Variants in FAM178B observed in about 807,000 individuals in gnomAD.
The protein encoded by FAM178B is protein FAM178B.
A neutral mutation model predicts 91.7 loss-of-function variants in FAM178B; 82 were observed. The observed-to-expected ratio is 0.89, with a 90% CI of 0.75 to 1.07. FAM178B has a LOEUF of 1.07. Among genes scored for constraint, FAM178B ranks in the 50% least tolerant of loss-of-function variants. FAM178B has a pLI of 0.00. For synonymous variants in FAM178B, 368 were observed against 359.4 expected, an observed-to-expected ratio of 1.02 and a Z score of -0.27; for missense variants, 769 against 846.7, an observed-to-expected ratio of 0.91 and a Z score of 1.14.
At position 96,933,766 on chromosome 2, in the gene FAM178B, C is replaced by T. The variant is rs188511540; in HGVS notation, c.1079-4446G>A. Reference sequence around the variant, plus strand: ...TGCCTGAGTTCTAGTTCCCTGAATCCGAGATACCACAGGAGGAGGGGAGGT... The same window carrying T: ...TGCCTGAGTTCTAGTTCCCTGAATCTGAGATACCACAGGAGGAGGGGAGGT... On this transcript the variant is annotated intron_variant, in intron 8 of 16. Transcript: ENST00000490605. 4.0e-3 allele frequency among the ~76,000 whole-genome samples: 607 copies of T among 152,226 alleles called. 4 individuals carry two copies. The highest frequency in any genetic ancestry group is 8.0e-3 in the Admixed American group (123 of 15,288).
At chr2:96,969,112 A>T (rs959779765) in intron 4 of FAM178B, among the ~76,000 whole-genome samples, 4 of 152,234 alleles carry the variant, frequency 2.6e-5, no homozygotes, top group African/African-American at 9.6e-5. Context: ...CAGTGTGGGT[A>T]GTATGAGATC....
In FAM178B at chr2:96,918,189, GA is replaced by G. The variant is rs549846168; in HGVS notation, c.1562+2975del. Among the ~76,000 whole-genome samples the G allele has an allele frequency of 7.8e-4, 109 of 140,090 alleles. 1 individual carries two copies. The highest frequency in any genetic ancestry group is 2.7e-3 in the African/African-American group (101 of 37,834). The allele number at this position is 140,090 out of a possible 152,430, so 91.9% of individuals were successfully genotyped here. ...AGGACTGAAAAAGTAAAAAAAAAAA[GA>G]AAAAAAATTCCAGTTCACTGAAAGG... is the stretch of plus-strand genomic sequence containing the variant. On this transcript the variant is annotated intron_variant, in intron 12 of 16. Coordinates refer to ENST00000490605, the MANE Select transcript of FAM178B (RefSeq NM_001122646.3).
intron 16 of FAM178B, among the ~76,000 whole-genome samples, chr2:96,877,005 G>A (rs963451581): frequency 3.0e-4 from 45 of 152,180 alleles, no homozygotes; most frequent in African/African-American, 6.5e-4. Flanking sequence ...GCAAGCCACC[G>A]AGCCTCTCAG....
In FAM178B at chr2:96,894,021, T is replaced by C. The variant is rs1368828557; in HGVS notation, c.1681A>G (p.Met561Val). Residue 561 changes from methionine (M) to valine (V), a missense_variant, in exon 14 of 17, where the codon ATG becomes GTG. Coordinates refer to ENST00000490605, the MANE Select transcript of FAM178B (RefSeq NM_001122646.3). ...LSSLSRLLGLMRPSSLRQYLD... is the reference protein window; with the variant it reads ...LSSLSRLLGLVRPSSLRQYLD... The stretch of plus-strand genomic sequence containing the variant: ...TATTGCCTGAGAGATGATGGCCTCA[T>C]GAGGCCCAGGAGCCGGCTGAGCGAG... 2 of 1,612,178 alleles carry C rather than the reference T, an allele frequency of 1.2e-6. No homozygotes were observed. The highest frequency in any genetic ancestry group is 1.7e-6 in the Non-Finnish European group (2 of 1,179,492).
At chr2:96,911,569 G>A (rs910429647) in intron 12 of FAM178B, among the ~76,000 whole-genome samples, 1 of 152,226 alleles carries the variant, frequency 6.6e-6, no homozygotes, top group African/African-American at 2.4e-5. Flanking sequence ...AAGATTTTAT[G>A]CACATCAGCA....
At chr2:96,958,745 A>T (rs546122704) in intron 6 of FAM178B, among the ~76,000 whole-genome samples, 1 of 147,006 alleles carries the variant, frequency 6.8e-6, no homozygotes, top group East Asian at 2.0e-4. Flanking sequence ...AAAAAATTGA[A>T]ATCTGAGCAT....
In FAM178B at chr2:96,905,838, A is replaced by ATATATATATATACG. The variant is rs1559064096; in HGVS notation, c.1563-3132_1563-3131insCGTATATATATATA. On this transcript the variant is annotated intron_variant, in intron 12 of 16. Transcript: ENST00000490605. ...TGTGTGTATATATATATATATATATATATATATATATATATATATATATTT... is the reference window on the plus strand; with the variant it reads ...TGTGTGTATATATATATATATATATATATATATATATACGTATATATATATATATATATATATTT... Among the ~76,000 whole-genome samples, 36 of 29,248 alleles carry ATATATATATATACG rather than the reference A, an allele frequency of 1.2e-3. 1 individual carries two copies. The highest frequency in any genetic ancestry group is 3.2e-3 in the African/African-American group (36 of 11,192). 19.2% of individuals were successfully genotyped at this position (29,248 alleles called of 152,430 possible).
chr2:96,877,886 C>T lies in FAM178B; in HGVS notation c.2007+4G>A, dbSNP rs1382956063. 1.9e-6 allele frequency: 3 copies of T among 1,612,342 alleles called. No homozygotes were observed. Among genetic ancestry groups the T allele is most frequent in the Non-Finnish European group, 2.5e-6 (3 of 1,179,878 alleles). On this transcript the variant is annotated splice_donor_region_variant and intron_variant, in intron 16 of 16. Transcript: ENST00000490605. ...CCAGGTCTGGGGGCTAGAGGGGGCACCACCTGGGGCTGGCAGTGGGTCAGC... is the reference window on the plus strand; with the variant it reads ...CCAGGTCTGGGGGCTAGAGGGGGCATCACCTGGGGCTGGCAGTGGGTCAGC...
At chr2:96,926,167 G>A (rs72942941) in intron 9 of FAM178B, among the ~76,000 whole-genome samples, 2,213 of 152,294 alleles carry the variant, frequency 0.015, 56 homozygotes, top group African/African-American at 0.051. Flanking sequence ...AGCAAGCATT[G>A]TAGTACGCAC....
chr2:96,928,551 G>A (rs1254654738), intron 9 of FAM178B, among the ~76,000 whole-genome samples: 1 of 152,178 alleles, frequency 6.6e-6, no homozygotes, highest in African/African-American at 2.4e-5. Context: ...CTGTTCCTGA[G>A]TGGATATTAG....
At position 96,920,245 on chromosome 2, in the gene FAM178B, G is replaced by C. The variant is rs926802479; in HGVS notation, c.1562+920C>G. ...GAAAGTGGAGAGAGAAGCCGGGCCA[G>C]ATTCAGCCAATGGGCCTTATCTCCT... On this transcript the variant is annotated intron_variant, in intron 12 of 16. Coordinates refer to ENST00000490605, the MANE Select transcript of FAM178B (RefSeq NM_001122646.3). 2.6e-5 allele frequency among the ~76,000 whole-genome samples: 4 copies of C among 152,216 alleles called. 1 individual carries two copies. In the East Asian group the frequency reaches 7.7e-4, roughly 29 times the overall value.
At chr2:96,909,085 G>C (rs1574231683) in intron 12 of FAM178B, among the ~76,000 whole-genome samples, 2 of 149,804 alleles carry the variant, frequency 1.3e-5, no homozygotes, top group Non-Finnish European at 3.0e-5. Flanking sequence ...AGAGGTTGCA[G>C]TGAGCCGACA....
chr2:96,938,078 T>C (rs1454774031), intron 8 of FAM178B, among the ~76,000 whole-genome samples: 2 of 152,124 alleles, frequency 1.3e-5, no homozygotes, highest in African/African-American at 4.8e-5. Context: ...CACTTAAATT[T>C]ATTTTGCACC....
chr2:96,902,678 A>G lies in FAM178B; in HGVS notation c.1592T>C (p.Val531Ala). 6.4e-7 allele frequency: 1 copy of G among 1,550,780 alleles called. No homozygotes were observed. The highest frequency in any genetic ancestry group is 1.2e-5 in the South Asian group (1 of 84,056). The change falls in exon 13 of 17, where the codon GTC becomes GCC. Residue 531 changes from valine to alanine, a missense_variant. Transcript: ENST00000490605. ...RRLRSQLSLV[V>A]IARMLGQQEM... ...CTGCTGGCCCAGCATTCGAGCAATG[A>G]CCACAAGGCTGAGCTGGCTTCGAAG...
intron 8 of FAM178B, among the ~76,000 whole-genome samples, chr2:96,941,062 G>A (rs1304618262): frequency 6.6e-6 from 1 of 152,200 alleles, no homozygotes; most frequent in East Asian, 1.9e-4. Context: ...TGTGGCGAAA[G>A]AAATACGGTA....
At chr2:96,912,042 AG>A (rs2081167577) in intron 12 of FAM178B, among the ~76,000 whole-genome samples, 1 of 152,124 alleles carries the variant, frequency 6.6e-6, no homozygotes, top group South Asian at 2.1e-4. Context: ...CCCAGAAAGT[AG>A]GCTCTGAAAT....
At chr2:96,967,959 T>C (rs2082167915) in intron 4 of FAM178B, among the ~76,000 whole-genome samples, 1 of 130,586 alleles carries the variant, frequency 7.7e-6, no homozygotes, top group Non-Finnish European at 1.6e-5. Context: ...ATCACTGTGT[T>C]GCCTAGGCCA....
intron 14 of FAM178B, among the ~76,000 whole-genome samples, chr2:96,887,277 A>G (rs1574190213): frequency 6.6e-6 from 1 of 152,186 alleles, no homozygotes; most frequent in East Asian, 1.9e-4. Context: ...TATGTTGTGC[A>G]GGGTGGTCTA....
Position 96,930,202 on chromosome 2 carries a change from C to T in FAM178B, c.1079-882G>A, listed in dbSNP as rs1033560661. On this transcript the variant is annotated intron_variant, in intron 8 of 16. Coordinates refer to ENST00000490605, the MANE Select transcript of FAM178B (RefSeq NM_001122646.3). ...CAGCCTGGGTGACAGAGCGAGACTCCGTCTCTCCAAAAAAAAAAAAAAAAA... is the reference window on the plus strand; with the variant it reads ...CAGCCTGGGTGACAGAGCGAGACTCTGTCTCTCCAAAAAAAAAAAAAAAAA... 4.5e-5 allele frequency among the ~76,000 whole-genome samples: 5 copies of T among 111,716 alleles called. No homozygotes were observed. The East Asian group carries it at 7.3e-4, about 16-fold the overall frequency. 73.3% of individuals were successfully genotyped at this position (111,716 alleles called of 152,430 possible). A position where few individuals can be genotyped will look rare whatever the true frequency, so the allele number is the denominator to read the frequency against.
Sources: allele counts gnomAD v4.1 joint callset (sites outside exome capture counted in the v4.1 genomes callset), GRCh38; gene constraint gnomAD v4.1.1; transcripts MANE v1.5; gene names NCBI Gene and HGNC (gene_info 2026-07-23, HGNC 2026-07-21).